Variants in EDA observed in about 807,000 individuals in gnomAD.
EDA encodes the protein ectodysplasin-A.
EDA carries 2 observed loss-of-function variants against 23.6 expected under a neutral mutation model. The observed-to-expected ratio is 0.08, with a 90% CI of 0.03 to 0.27. The LOEUF (loss-of-function observed/expected upper bound fraction) is 0.27, where lower values mean the gene tolerates loss of function less well. Ranked by LOEUF, EDA falls within the 10% of genes least tolerant of loss-of-function variation. The pLI, the probability that EDA is intolerant of heterozygous loss-of-function variation, is 1.00. For missense variants in EDA, 229 were observed against 324.2 expected, an observed-to-expected ratio of 0.71 and a Z score of 2.26; for synonymous variants, 131 against 132.0, an observed-to-expected ratio of 0.99 and a Z score of 0.05.
intron 1 of EDA, among the ~76,000 whole-genome samples, chrX:69,932,845 C>T (rs1282661257): frequency 9.0e-5 from 10 of 111,330 alleles, no homozygotes; most frequent in Non-Finnish European, 1.5e-4. Flanking sequence ...ATCTATTTTA[C>T]GCTTTATTAA....
chrX:69,854,435 C>G (rs1050163211), intron 1 of EDA, among the ~76,000 whole-genome samples: 2 of 111,712 alleles, frequency 1.8e-5, no homozygotes, highest in Non-Finnish European at 3.8e-5. Context: ...CTCAGGTTAT[C>G]TGCCCATCTC....
intron 1 of EDA, among the ~76,000 whole-genome samples, chrX:69,911,501 G>A (rs2018265940): frequency 8.9e-6 from 1 of 111,854 alleles, no homozygotes; most frequent in Non-Finnish European, 1.9e-5. Flanking sequence ...TGTTCCATCT[G>A]TATGCTTGTT....
intron 1 of EDA, among the ~76,000 whole-genome samples, chrX:69,902,204 C>G (rs1420608386): frequency 9.0e-6 from 1 of 111,558 alleles, no homozygotes; most frequent in Non-Finnish European, 1.9e-5. Context: ...GACCTAGTCT[C>G]TTTTCCCCAT....
In EDA at chrX:70,036,972, G is replaced by C. The variant is rs1251787114; in HGVS notation, c.*1363G>C. 8.9e-6 allele frequency: 1 copy of C among 112,499 alleles called. No individual in the cohort carries two copies. Among genetic ancestry groups the C allele is most frequent in the African/African-American group, 3.2e-5 (1 of 30,977 alleles). The allele number at this position is 112,499 out of a possible 1,213,427, so 9.3% of individuals were successfully genotyped here. On this transcript the variant is annotated 3_prime_UTR_variant, in exon 8 of 8. Transcript: ENST00000374552. ...GGAGAAGCCAGTGTCTAGGCACTGA[G>C]CAGGGATCTGCCCCCTAGTTCAGGT...
intron 1 of EDA, among the ~76,000 whole-genome samples, chrX:69,818,671 A>G (rs1602440090): frequency 9.0e-6 from 1 of 111,728 alleles, no homozygotes. Context: ...AACCAGGAAG[A>G]AATTGAATCC....
At chrX:69,732,495 A>G (rs563259551) in intron 1 of EDA, among the ~76,000 whole-genome samples, 1 of 112,384 alleles carries the variant, frequency 8.9e-6, no homozygotes, top group African/African-American at 3.2e-5. Context: ...TATGCAGTCT[A>G]TCATTGTTCA....
intron 1 of EDA, among the ~76,000 whole-genome samples, chrX:69,788,080 A>G (rs1464433579): frequency 8.6e-4 from 96 of 111,413 alleles, no homozygotes; most frequent in African/African-American, 1.5e-3. Flanking sequence ...CCAGTTGATC[A>G]CATCGGCTCC....
chrX:69,619,232 T>C (rs1381871137), intron 1 of EDA, among the ~76,000 whole-genome samples: 1 of 112,170 alleles, frequency 8.9e-6, no homozygotes. Context: ...GGCAGTACAT[T>C]CAGGTTTCTT....
At chrX:69,938,135 C>T in intron 1 of EDA, 1 of 705,059 alleles carries the variant, frequency 1.4e-6, no homozygotes, top group Non-Finnish European at 2.1e-6. Context: ...GCTCTCACTC[C>T]TCCTCCTCCC....
At chrX:70,012,110 C>T (rs770538105) in intron 2 of EDA, among the ~76,000 whole-genome samples, 11 of 111,536 alleles carry the variant, frequency 9.9e-5, no homozygotes, top group Non-Finnish European at 1.5e-4. Context: ...AGCAGTCCCC[C>T]GTACTGCATA....
chrX:69,635,881 A>T (rs1217022345), intron 1 of EDA, among the ~76,000 whole-genome samples: 1 of 109,824 alleles, frequency 9.1e-6, no homozygotes, highest in Non-Finnish European at 1.9e-5. Flanking sequence ...TACTACCTCA[A>T]AGGCCACCAC....
chrX:69,699,176 TGGA>T lies in EDA; in HGVS notation c.396+82474_396+82476del, dbSNP rs200230847. Among the ~76,000 whole-genome samples, 842 of 110,210 alleles carry T rather than the reference TGGA, an allele frequency of 7.6e-3. 5 individuals are homozygous for T. Among genetic ancestry groups the T allele is most frequent in the African/African-American group, 0.027 (808 of 30,184 alleles). ...AAGGTGAGGACAAGTGAGAATAGGG[TGGA>T]GAAGTTGGAAGAGAGGTTTGTACCC... On this transcript the variant is annotated intron_variant, in intron 1 of 7. Coordinates refer to ENST00000374552, the MANE Select transcript of EDA (RefSeq NM_001399.5).
At chrX:69,872,777 G>A (rs1417701380) in intron 1 of EDA, among the ~76,000 whole-genome samples, 1 of 110,854 alleles carries the variant, frequency 9.0e-6, no homozygotes, top group African/African-American at 3.3e-5. Flanking sequence ...TGAGAAATGA[G>A]ATACACAGCA....
intron 1 of EDA, chrX:69,670,183 GTTTTTTT>G: frequency 4.1e-6 from 1 of 241,857 alleles, no homozygotes; most frequent in Non-Finnish European, 6.8e-6. Context: ...TTGGCTGACT[GTTTTTTT>G]TTTTTTTTTT....
chrX:69,758,448 C>T (rs903538063), intron 1 of EDA, among the ~76,000 whole-genome samples: 1 of 112,334 alleles, frequency 8.9e-6, no homozygotes, highest in African/African-American at 3.2e-5. Flanking sequence ...GTGCTTGCTT[C>T]TTCCTCTTCA....
At chrX:69,948,841 A>G (rs1448101912) in intron 1 of EDA, among the ~76,000 whole-genome samples, 7 of 112,178 alleles carry the variant, frequency 6.2e-5, no homozygotes, top group Non-Finnish European at 7.5e-5. Flanking sequence ...TGATAATCAA[A>G]GCATGTCGAG....
intron 1 of EDA, among the ~76,000 whole-genome samples, chrX:69,900,007 T>G (rs1459518149): frequency 9.0e-6 from 1 of 111,500 alleles, no homozygotes; most frequent in Non-Finnish European, 1.9e-5. Flanking sequence ...TGCCAAAGTT[T>G]CCTCATCTGA....
At chrX:69,804,799 G>C (rs2015775689) in intron 1 of EDA, among the ~76,000 whole-genome samples, 1 of 111,387 alleles carries the variant, frequency 9.0e-6, no homozygotes, top group Non-Finnish European at 1.9e-5. Context: ...TAAATATATA[G>C]TTATTAATAC....
At chrX:69,846,083 A>G (rs749957351) in intron 1 of EDA, among the ~76,000 whole-genome samples, 1 of 112,614 alleles carries the variant, frequency 8.9e-6, no homozygotes, top group East Asian at 2.8e-4. Flanking sequence ...TTTTGAGGTC[A>G]TTGTTTAAGC....
Sources: gnomAD v4.1 joint callset for allele counts (sites outside exome capture counted in the v4.1 genomes callset) on GRCh38, gnomAD v4.1.1 for gene constraint, MANE v1.5 for transcripts, NCBI Gene and HGNC (gene_info 2026-07-23, HGNC 2026-07-21) for gene names.